Variants in AKAP19 observed in about 807,000 individuals in gnomAD.
AKAP19 encodes A-kinase anchoring protein 19, also known as small A-kinase anchoring protein.
chr2:189,901,842 T>G, the AKAP19 span, among the ~76,000 whole-genome samples: 1 of 152,316 alleles, frequency 6.6e-6, no homozygotes, highest in South Asian at 2.1e-4. Context: ...TATATTCCCT[T>G]GACTAAGTTA....
chr2:190,112,431 A>T, the AKAP19 span, among the ~76,000 whole-genome samples: 1 of 152,190 alleles, frequency 6.6e-6, no homozygotes, highest in Non-Finnish European at 1.5e-5. Context: ...CAGGACCTAC[A>T]GTATTCTGTA....
chr2:190,187,925 T>C, the AKAP19 span, among the ~76,000 whole-genome samples: 2 of 152,228 alleles, frequency 1.3e-5, no homozygotes, highest in Non-Finnish European at 2.9e-5. Flanking sequence ...GGCCCAGTTG[T>C]TGCTAGATCT....
At chr2:189,923,634 C>A in the AKAP19 span, 1 of 1,614,128 alleles carries the variant, frequency 6.2e-7, no homozygotes, top group African/African-American at 1.3e-5. Flanking sequence ...GTGAAACGAT[C>A]TGCAGCGGAG....
chr2:190,002,734 G>A, the AKAP19 span, among the ~76,000 whole-genome samples: 25 of 152,148 alleles, frequency 1.6e-4, no homozygotes, highest in African/African-American at 5.3e-4. Flanking sequence ...TCTTAGGACC[G>A]TCAGTTGGTC....
At chr2:190,018,327 CCTT>C in the AKAP19 span, among the ~76,000 whole-genome samples, 2 of 151,924 alleles carry the variant, frequency 1.3e-5, no homozygotes, top group Non-Finnish European at 2.9e-5. Flanking sequence ...AAACTTTCTT[CCTT>C]CTTAATTTTT....
the AKAP19 span, among the ~76,000 whole-genome samples, chr2:190,085,101 G>A: frequency 4.5e-4 from 68 of 152,200 alleles, no homozygotes; most frequent in Non-Finnish European, 1.3e-4. Flanking sequence ...GTGGCCAGGA[G>A]AGGAGGACTC....
At chr2:190,108,116 T>C in the AKAP19 span, among the ~76,000 whole-genome samples, 2 of 152,232 alleles carry the variant, frequency 1.3e-5, no homozygotes, top group African/African-American at 2.4e-5. Flanking sequence ...TTTCTAGTTA[T>C]ATAAAGGTTG....
the AKAP19 span, among the ~76,000 whole-genome samples, chr2:190,103,301 C>T: frequency 2.6e-5 from 4 of 152,206 alleles, no homozygotes; most frequent in Non-Finnish European, 5.9e-5. Flanking sequence ...TGCCTACTCT[C>T]ACCACTCCTA....
chr2:189,976,388 C>G, the AKAP19 span, among the ~76,000 whole-genome samples: 1 of 152,208 alleles, frequency 6.6e-6, no homozygotes, highest in Admixed American at 6.5e-5. Flanking sequence ...TCTGCCCCTA[C>G]TGGGGGGTGC....
At chr2:190,153,401 G>A in the AKAP19 span, among the ~76,000 whole-genome samples, 1 of 151,934 alleles carries the variant, frequency 6.6e-6, no homozygotes, top group Non-Finnish European at 1.5e-5. Flanking sequence ...ATTTTCTATG[G>A]TATTGGAGGT....
chr2:190,143,147 TAGCC>T, the AKAP19 span, among the ~76,000 whole-genome samples: 3 of 152,210 alleles, frequency 2.0e-5, no homozygotes, highest in South Asian at 6.2e-4. Context: ...CAGTCAGTCT[TAGCC>T]AGCTTGGTCC....
At chr2:189,953,097 T>C in the AKAP19 span, among the ~76,000 whole-genome samples, 82 of 110,646 alleles carry the variant, frequency 7.4e-4, no homozygotes, top group African/African-American at 2.8e-3. Flanking sequence ...TTGTTAAATG[T>C]GATAACATCC....
At chr2:190,067,305 A>G in the AKAP19 span, among the ~76,000 whole-genome samples, 923 of 152,240 alleles carry the variant, frequency 6.1e-3, 17 homozygotes, top group East Asian at 0.059. Flanking sequence ...TTTTTATTTC[A>G]TAGACTCTCT....
the AKAP19 span, among the ~76,000 whole-genome samples, chr2:190,178,403 A>G: frequency 2.0e-5 from 3 of 152,216 alleles, no homozygotes; most frequent in African/African-American, 7.2e-5. The surrounding 1 kb of genome is among the most constrained non-coding windows in gnomAD (Gnocchi z 6.3). Context: ...GAGGCCCCAC[A>G]GAGAGGAGAG....
At chr2:190,061,818 C>CTT in the AKAP19 span, among the ~76,000 whole-genome samples, 1 of 144,208 alleles carries the variant, frequency 6.9e-6, no homozygotes, top group African/African-American at 2.5e-5. Context: ...CAGCAAGTTT[C>CTT]TTTTTTTTTT....
the AKAP19 span, among the ~76,000 whole-genome samples, chr2:190,105,076 C>T: frequency 1.3e-5 from 2 of 152,036 alleles, no homozygotes; most frequent in African/African-American, 2.4e-5. Context: ...GAAAACAGTT[C>T]GGAGATTTCT....
chr2:189,936,743 G>T, the AKAP19 span, among the ~76,000 whole-genome samples: 2 of 152,142 alleles, frequency 1.3e-5, no homozygotes, highest in African/African-American at 4.8e-5. Context: ...CACAACAACA[G>T]AATGAATCTC....
chr2:190,062,628 T>C, the AKAP19 span: 2 of 1,598,254 alleles, frequency 1.3e-6, no homozygotes, highest in African/African-American at 1.3e-5. Context: ...TTTTTTCTTG[T>C]TCTTGTTTCT....
chr2:190,089,470 A>G, the AKAP19 span: 1 of 152,136 alleles, frequency 6.6e-6, no homozygotes, highest in Admixed American at 6.6e-5. Context: ...AATTCTATGT[A>G]CACCTGAAAA....
Sources: gnomAD v4.1 joint callset for allele counts (sites outside exome capture counted in the v4.1 genomes callset) on GRCh38, gnomAD v4.1.1 for gene constraint, Gnocchi (gnomAD v3.1) non-coding constraint, MANE v1.5 for transcripts, NCBI Gene and HGNC (gene_info 2026-07-23, HGNC 2026-07-21) for gene names.